Variants in OSBPL8 observed in about 807,000 individuals in gnomAD.
OSBPL8 encodes the protein oxysterol-binding protein-related protein 8.
In OSBPL8, 59 loss-of-function variants were observed where a neutral mutation model predicts 125.5. The ratio of observed to expected loss-of-function variants is 0.47; its 90% confidence interval spans 0.38 to 0.58. OSBPL8 has a LOEUF of 0.58. Ranked by LOEUF, OSBPL8 falls within the 20% of genes least tolerant of loss-of-function variation. The pLI is 0.00. For missense variants in OSBPL8, 758 were observed against 1,047.8 expected (o/e 0.72, Z 3.82); for synonymous variants, 330 against 338.9 (o/e 0.97, Z 0.29).
At chr12:76,554,752 A>T (rs896814743) in intron 1 of OSBPL8, among the ~76,000 whole-genome samples, 1 of 152,204 alleles carries the variant, frequency 6.6e-6, no homozygotes, top group African/African-American at 2.4e-5. Context: ...TTTTATTTGA[A>T]AAAAGTCAAG....
At chr12:76,502,188 A>G (rs1879972215) in intron 1 of OSBPL8, among the ~76,000 whole-genome samples, 1 of 151,240 alleles carries the variant, frequency 6.6e-6, no homozygotes, top group Admixed American at 6.6e-5. Flanking sequence ...CATACAGTGC[A>G]TTTTCTCCTA....
chr12:76,540,712 C>T (rs1950619008), intron 1 of OSBPL8, among the ~76,000 whole-genome samples: 1 of 150,508 alleles, frequency 6.6e-6, no homozygotes, highest in African/African-American at 2.4e-5. Context: ...GACAAGCAAA[C>T]ACATTTCAAG....
chr12:76,442,575 A>C (rs1411677957), intron 4 of OSBPL8, among the ~76,000 whole-genome samples: 2 of 152,188 alleles, frequency 1.3e-5, no homozygotes, highest in African/African-American at 4.8e-5. Flanking sequence ...CTCTGGCTAC[A>C]AACCAAAGCA....
intron 4 of OSBPL8, 33 bp downstream of exon 4, chr12:76,450,818 A>C (rs774494725): frequency 6.4e-7 from 1 of 1,561,682 alleles, no homozygotes; most frequent in Admixed American, 2.0e-5. Context: ...AAAAACAAAA[A>C]CAAGACAAAA....
chr12:76,444,151 T>A (rs1027750879), intron 4 of OSBPL8, among the ~76,000 whole-genome samples: 6 of 152,144 alleles, frequency 3.9e-5, no homozygotes, highest in Admixed American at 2.0e-4. Context: ...ATGAGCTACA[T>A]TAAGTTGGTA....
At chr12:76,381,955 G>C (rs1341860540) in intron 15 of OSBPL8, among the ~76,000 whole-genome samples, 3 of 152,014 alleles carry the variant, frequency 2.0e-5, no homozygotes, top group African/African-American at 7.2e-5. Context: ...GGCTAGTATT[G>C]AACTCCTGAC....
chr12:76,498,061 T>C (rs533993713), intron 1 of OSBPL8, among the ~76,000 whole-genome samples: 1 of 152,358 alleles, frequency 6.6e-6, no homozygotes, highest in South Asian at 2.1e-4. Context: ...TAAATGTTTG[T>C]TAGTCAATGA....
intron 4 of OSBPL8, among the ~76,000 whole-genome samples, chr12:76,450,371 A>G (rs1229604419): frequency 6.6e-6 from 1 of 152,228 alleles, no homozygotes; most frequent in Non-Finnish European, 1.5e-5. Context: ...AACCTTCTCA[A>G]TCAACTTTTT....
chr12:76,470,217 T>G (rs1395022927), intron 2 of OSBPL8, among the ~76,000 whole-genome samples: 1 of 152,224 alleles, frequency 6.6e-6, no homozygotes, highest in Non-Finnish European at 1.5e-5. Context: ...CTGGTGAGAC[T>G]GCTGGCGGAC....
In OSBPL8 at chr12:76,355,589, G is replaced by C. The variant is rs1421807111; in HGVS notation, c.*300C>G. ...GAATACAAAGACTACTGTCAGGTAG[G>C]AGTACATAAGAGACAATTGTGTATA... is the stretch of plus-strand genomic sequence containing the variant. On this transcript the variant is annotated 3_prime_UTR_variant, in exon 24 of 24. Coordinates refer to ENST00000261183, the MANE Select transcript of OSBPL8 (RefSeq NM_020841.5). 2 of 208,514 alleles carry C rather than the reference G, an allele frequency of 9.6e-6. No homozygotes were observed. The highest frequency in any genetic ancestry group is 2.7e-4 in the South Asian group (2 of 7,518). The allele number at this position is 208,514 out of a possible 1,614,324, so 12.9% of individuals were successfully genotyped here. A position where few individuals can be genotyped will look rare whatever the true frequency, so the allele number is the denominator to read the frequency against.
At chr12:76,370,974 A>G (rs1453929173) in intron 19 of OSBPL8, among the ~76,000 whole-genome samples, 6 of 152,240 alleles carry the variant, frequency 3.9e-5, no homozygotes, top group Non-Finnish European at 8.8e-5. Flanking sequence ...ACTTAAGAAC[A>G]GAAATGATAG....
chr12:76,391,110 C>T (rs1212081930), intron 10 of OSBPL8, among the ~76,000 whole-genome samples: 1 of 151,264 alleles, frequency 6.6e-6, no homozygotes, highest in African/African-American at 2.5e-5. Context: ...GACTTTCCAC[C>T]TGTATAAGAA....
chr12:76,369,595 T>C, intron 20 of OSBPL8, 42 bp downstream of exon 20: 1 of 1,566,728 alleles, frequency 6.4e-7, no homozygotes, highest in Non-Finnish European at 8.8e-7. Flanking sequence ...CAACAAACCA[T>C]GCTAATACAT....
At chr12:76,384,413 AAAGAT>A in intron 14 of OSBPL8, 63 bp from the exon 15 acceptor site, 1 of 937,042 alleles carries the variant, frequency 1.1e-6, no homozygotes, top group Non-Finnish European at 1.5e-6. Flanking sequence ...TAAAATATAA[AAAGAT>A]AAGCATATTA....
chr12:76,449,869 CG>C (rs1472272804), intron 4 of OSBPL8, among the ~76,000 whole-genome samples: 1 of 151,958 alleles, frequency 6.6e-6, no homozygotes, highest in Non-Finnish European at 1.5e-5. Flanking sequence ...GTACTGACAG[CG>C]TTTCAGATTC....
intron 4 of OSBPL8, among the ~76,000 whole-genome samples, chr12:76,428,855 C>T (rs1228246498): frequency 6.6e-6 from 1 of 152,090 alleles, no homozygotes; most frequent in Non-Finnish European, 1.5e-5. Context: ...TTAAAATTAT[C>T]TATAAATCAA....
chr12:76,485,278 G>A (rs1210803946), intron 2 of OSBPL8, among the ~76,000 whole-genome samples: 3 of 151,660 alleles, frequency 2.0e-5, no homozygotes, highest in Admixed American at 6.6e-5. Flanking sequence ...ATTTGGAATA[G>A]TAAATGACTA....
chr12:76,450,301 A>G (rs1873227794), intron 4 of OSBPL8, among the ~76,000 whole-genome samples: 1 of 152,166 alleles, frequency 6.6e-6, no homozygotes, highest in Non-Finnish European at 1.5e-5. Flanking sequence ...AAACAGTGCC[A>G]AGGTTGAGAA....
chr12:76,510,250 T>C (rs1180396478), intron 1 of OSBPL8, among the ~76,000 whole-genome samples: 3 of 152,148 alleles, frequency 2.0e-5, no homozygotes, highest in African/African-American at 7.2e-5. Context: ...TATATACCAA[T>C]CATCCAACCC....
Sources: allele counts gnomAD v4.1 joint callset (sites outside exome capture counted in the v4.1 genomes callset), GRCh38; gene constraint gnomAD v4.1.1; transcripts MANE v1.5; gene names NCBI Gene and HGNC (gene_info 2026-07-23, HGNC 2026-07-21).